DCTN5: variants seen among roughly 807,000 people sequenced by gnomAD.
DCTN5 encodes the protein dynactin 4.
Under a neutral mutation model 23.5 loss-of-function variants are expected in DCTN5, and 14 were observed. That is an observed-to-expected ratio of 0.60 (90% confidence interval 0.39 to 0.93). The LOEUF (loss-of-function observed/expected upper bound fraction) is 0.93. DCTN5 is among the 40% of genes least tolerant of loss of function. The pLI is 0.00. For synonymous variants in DCTN5, 67 were observed against 79.6 expected, an observed-to-expected ratio of 0.84 and a Z score of 0.84; for missense variants, 156 against 225.9, an observed-to-expected ratio of 0.69 and a Z score of 1.98.
intron 4 of DCTN5, 124 bp from the exon 5 acceptor site, chr16:23,665,502 A>G: frequency 1.2e-6 from 1 of 807,106 alleles, no homozygotes; most frequent in South Asian, 1.8e-5. Flanking sequence ...TGAAGCAGGA[A>G]GTTGCAACCA....
rs1387625839 is a variant in DCTN5, at chr16:23,671,120, A to G, written c.*3976A>G. On this transcript the variant is annotated 3_prime_UTR_variant, in exon 6 of 6. Coordinates refer to ENST00000300087, the MANE Select transcript of DCTN5 (RefSeq NM_032486.4). ...GAGTGTGAGTGCTAGAGTCAGGCTG[A>G]TCAAATCCCAGCCTGCCATTGGCTA... is the stretch of plus-strand genomic sequence containing the variant. The G allele has an allele frequency of 6.6e-6, 1 of 152,182 alleles. No homozygotes were observed. Among genetic ancestry groups the G allele is most frequent in the East Asian group, 1.9e-4 (1 of 5,200 alleles). 9.4% of individuals were successfully genotyped at this position (152,182 alleles called of 1,614,324 possible). A position where few individuals can be genotyped will look rare whatever the true frequency, so the allele number is the denominator to read the frequency against.
Position 23,675,981 on chromosome 16 carries a change from T to C in DCTN5, c.*8837T>C, listed in dbSNP as rs1351527278. The C allele has an allele frequency of 1.3e-5, 2 of 152,156 alleles. No individual in the cohort carries two copies. Among genetic ancestry groups the C allele is most frequent in the African/African-American group, 4.8e-5 (2 of 41,422 alleles). 9.4% of individuals were successfully genotyped at this position (152,156 alleles called of 1,614,324 possible). A position where few individuals can be genotyped will look rare whatever the true frequency, so the allele number is the denominator to read the frequency against. Reference sequence around the variant, plus strand: ...AGGAGTTCCCCTGGTAGGAGGTCTGTTCACCTGTACAGCCTAATGGATGTC... The same window carrying C: ...AGGAGTTCCCCTGGTAGGAGGTCTGCTCACCTGTACAGCCTAATGGATGTC... On this transcript the variant is annotated 3_prime_UTR_variant, in exon 6 of 6. Transcript: ENST00000300087.
chr16:23,667,328 A>C lies in DCTN5; in HGVS notation c.*184A>C, dbSNP rs1967925641. ...AGTGCTTAAGAATTCACTAACAGAC[A>C]GACCATCTGGAGGAGCTGTCTTCAA... On this transcript the variant is annotated 3_prime_UTR_variant, in exon 6 of 6. Coordinates refer to ENST00000300087, the MANE Select transcript of DCTN5 (RefSeq NM_032486.4). 4 of 675,084 alleles carry C rather than the reference A, an allele frequency of 5.9e-6. No homozygotes were observed. Among genetic ancestry groups the C allele is most frequent in the Admixed American group, 5.7e-5 (2 of 34,816 alleles). The allele number at this position is 675,084 out of a possible 1,614,324, so 41.8% of individuals were successfully genotyped here. A position where few individuals can be genotyped will look rare whatever the true frequency, so the allele number is the denominator to read the frequency against.
chr16:23,650,345 A>G (rs894706926), intron 2 of DCTN5, among the ~76,000 whole-genome samples: 1 of 151,964 alleles, frequency 6.6e-6, no homozygotes, highest in Non-Finnish European at 1.5e-5. Flanking sequence ...TTCTTTTAAG[A>G]TGGAGTTTTG....
chr16:23,641,707 C>T (rs1967267692), intron 1 of DCTN5, 117 bp downstream of exon 1: 2 of 1,071,862 alleles, frequency 1.9e-6, no homozygotes, highest in Admixed American at 2.0e-5. Flanking sequence ...CCATTAGTCC[C>T]GGATTATCTA....
At chr16:23,650,871 G>T in intron 2 of DCTN5, 2 of 1,422,586 alleles carry the variant, frequency 1.4e-6, no homozygotes, top group Non-Finnish European at 1.9e-6. Context: ...GAGTGGTGGG[G>T]CCTGGTGAAT....
At chr16:23,645,083 C>CTATA (rs869302728) in intron 2 of DCTN5, among the ~76,000 whole-genome samples, 35 of 33,092 alleles carry the variant, frequency 1.1e-3, no homozygotes, top group Non-Finnish European at 1.3e-3. Context: ...CCCAGCCTAA[C>CTATA]TATATATATA....
rs1335400790 is a variant in DCTN5, at chr16:23,655,698, C to T, written c.118-2809C>T. ...TAGCTGGGACTACAGGTGCACACCACCACATCTGGCTAATTTTTGTATTTT... is the reference window on the plus strand; with the variant it reads ...TAGCTGGGACTACAGGTGCACACCATCACATCTGGCTAATTTTTGTATTTT... On this transcript the variant is annotated intron_variant, in intron 2 of 5. Transcript: ENST00000300087. Among the ~76,000 whole-genome samples the T allele has an allele frequency of 2.6e-5, 4 of 152,086 alleles. No individual in the cohort carries two copies. In the East Asian group the frequency reaches 7.7e-4, roughly 29 times the overall value.
At position 23,674,482 on chromosome 16, in the gene DCTN5, TCA is replaced by T. The variant is rs1488321179; in HGVS notation, c.*7340_*7341del. 3.9e-5 allele frequency: 6 copies of T among 152,374 alleles called. No individual in the cohort carries two copies. The East Asian group carries it at 1.2e-3, about 29-fold the overall frequency. 9.4% of individuals were successfully genotyped at this position (152,374 alleles called of 1,614,324 possible). A position where few individuals can be genotyped will look rare whatever the true frequency, so the allele number is the denominator to read the frequency against. On this transcript the variant is annotated 3_prime_UTR_variant, in exon 6 of 6. Transcript: ENST00000300087. The stretch of plus-strand genomic sequence containing the variant: ...ACTCAAACCTTCTCTGGGGCTTCTC[TCA>T]CTGCTGTTGACTTGTTGCATTCAGC...
At chr16:23,647,153 G>A (rs1485434301) in intron 2 of DCTN5, among the ~76,000 whole-genome samples, 2 of 126,452 alleles carry the variant, frequency 1.6e-5, no homozygotes, top group African/African-American at 7.3e-5. Flanking sequence ...TTTTTTTTGA[G>A]AAAGAGTCTC....
At chr16:23,655,875 CAT>C (rs1447759850) in intron 2 of DCTN5, among the ~76,000 whole-genome samples, 2 of 152,134 alleles carry the variant, frequency 1.3e-5, no homozygotes, top group Non-Finnish European at 2.9e-5. Context: ...TTGCAAATGT[CAT>C]ATTATTTCAC....
At chr16:23,653,990 T>C (rs1967651481) in intron 2 of DCTN5, among the ~76,000 whole-genome samples, 1 of 152,160 alleles carries the variant, frequency 6.6e-6, no homozygotes, top group Non-Finnish European at 1.5e-5. Context: ...CGAGATACCG[T>C]CTCACACCAG....
intron 5 of DCTN5, chr16:23,666,072 C>T: frequency 4.4e-6 from 1 of 227,382 alleles, no homozygotes; most frequent in South Asian, 7.7e-5. Context: ...TGGATCCACA[C>T]ATGGCAGAGA....
In DCTN5 at chr16:23,675,883, C is replaced by T. The variant is rs959679952; in HGVS notation, c.*8739C>T. The T allele has an allele frequency of 3.3e-5, 5 of 152,210 alleles. No homozygotes were observed. Among genetic ancestry groups the T allele is most frequent in the African/African-American group, 1.2e-4 (5 of 41,436 alleles). 9.4% of individuals were successfully genotyped at this position (152,210 alleles called of 1,614,324 possible). On this transcript the variant is annotated 3_prime_UTR_variant, in exon 6 of 6. Transcript: ENST00000300087. ...TGAACAAGCAAAACTGTTTGGGACT[C>T]ACTGCCTTCAGGCAGTCCCTTGGAA...
At chr16:23,656,619 G>A (rs1421838994) in intron 2 of DCTN5, among the ~76,000 whole-genome samples, 1 of 151,970 alleles carries the variant, frequency 6.6e-6, no homozygotes, top group East Asian at 1.9e-4. Context: ...TAAATCTACA[G>A]ACTTAATCAG....
chr16:23,645,117 ATATATATATATATATATATATTTT>A (rs1567228427), intron 2 of DCTN5, among the ~76,000 whole-genome samples: 3 of 36,658 alleles, frequency 8.2e-5, no homozygotes, highest in African/African-American at 2.3e-4. Context: ...ATATATATAT[ATATATATATATATATATATATTTT>A]TTTTTTTTTT....
intron 2 of DCTN5, among the ~76,000 whole-genome samples, chr16:23,645,201 C>T (rs1484308032): frequency 7.2e-6 from 1 of 138,352 alleles, no homozygotes; most frequent in Admixed American, 7.6e-5. Context: ...ATGGCACGAT[C>T]TCGGCTCACC....
chr16:23,666,795 T>G, intron 5 of DCTN5: 4 of 540,612 alleles, frequency 7.4e-6, no homozygotes, highest in Non-Finnish European at 1.3e-5. Flanking sequence ...TTGGCCATTC[T>G]ACCGTGTCAT....
intron 3 of DCTN5, among the ~76,000 whole-genome samples, chr16:23,659,684 C>T (rs1482026208): frequency 1.3e-5 from 2 of 152,180 alleles, no homozygotes; most frequent in Non-Finnish European, 2.9e-5. Flanking sequence ...AGAAGTATAT[C>T]ATGCAGAAAT....
Sources: gnomAD v4.1 joint callset for allele counts (sites outside exome capture counted in the v4.1 genomes callset) on GRCh38, gnomAD v4.1.1 for gene constraint, MANE v1.5 for transcripts, NCBI Gene and HGNC (gene_info 2026-07-23, HGNC 2026-07-21) for gene names.